The following COL22A1 variants were observed in gnomAD, a reference collection of about 807,000 sequenced individuals.
COL22A1 encodes the protein collagen type XXII alpha 1 chain, also known as collagen alpha-1(XXII) chain.
In COL22A1, 221 loss-of-function variants were observed where a neutral mutation model predicts 248.9. That is an observed-to-expected ratio of 0.89 (90% CI 0.80 to 0.99). The LOEUF is 0.99. COL22A1 is among the 50% of genes least tolerant of loss of function. The pLI is 0.00. For synonymous variants in COL22A1, 891 were observed against 793.4 expected (o/e 1.12, Z -2.07); for missense variants, 2,240 against 2,179.0 (o/e 1.03, Z -0.56).
At chr8:138,694,160 C>T (rs887383882) in intron 34 of COL22A1, among the ~76,000 whole-genome samples, 33 of 152,222 alleles carry the variant, frequency 2.2e-4, no homozygotes, top group African/African-American at 7.5e-4. Flanking sequence ...TCCTGTTCTG[C>T]AAATCCTCTG....
At position 138,732,330 on chromosome 8, in the gene COL22A1, C is replaced by T. The variant is rs7822219; in HGVS notation, c.2139+5194G>A. On this transcript the variant is annotated intron_variant, in intron 23 of 64. Transcript: ENST00000303045. ...AGGTGCTGCGGGCAAGTCACTCTTC[C>T]CCTGTGGGCCAGGGAACAGATAGGT... Among the ~76,000 whole-genome samples, 767 of 152,332 alleles carry T rather than the reference C, an allele frequency of 5.0e-3. 2 individuals are homozygous for T. The highest frequency in any genetic ancestry group is 0.027 in the Middle Eastern group (8 of 294).
intron 41 of COL22A1, among the ~76,000 whole-genome samples, chr8:138,675,036 A>T (rs1825401796): frequency 1.3e-5 from 2 of 152,362 alleles, no homozygotes; most frequent in South Asian, 2.1e-4. Flanking sequence ...ACCAAACTAG[A>T]CATTCCCAAG....
chr8:138,636,623 T>G, intron 48 of COL22A1, 119 bp downstream of exon 48: 1 of 771,670 alleles, frequency 1.3e-6, no homozygotes, highest in Non-Finnish European at 2.2e-6. Flanking sequence ...AATGAGATTT[T>G]AAAAAATCCT....
chr8:138,768,798 G>A (rs186969394), intron 16 of COL22A1, among the ~76,000 whole-genome samples: 105 of 152,152 alleles, frequency 6.9e-4, no homozygotes, highest in African/African-American at 2.4e-3. Flanking sequence ...TTAGCTGGGC[G>A]TGCTGGTGGG....
At position 138,596,785 on chromosome 8, in the gene COL22A1, A is replaced by G. The variant is rs552706691; in HGVS notation, c.4432+119T>C. The G allele has an allele frequency of 5.8e-4, 504 of 876,196 alleles. 1 individual carries two copies. Among genetic ancestry groups the G allele is most frequent in the Non-Finnish European group, 4.6e-4 (248 of 533,522 alleles). 54.3% of individuals were successfully genotyped at this position (876,196 alleles called of 1,614,324 possible). A position where few individuals can be genotyped will look rare whatever the true frequency, so the allele number is the denominator to read the frequency against. ...GCATTCCCCAACCCTGATAGTCTAC[A>G]CTTGAGCTGCCGGTCAAGTGCTTTT... On this transcript the variant is annotated intron_variant, in intron 62 of 64. Transcript: ENST00000303045.
chr8:138,829,810 C>T lies in COL22A1; in HGVS notation c.846-3029G>A, dbSNP rs558037947. Among the ~76,000 whole-genome samples the T allele has an allele frequency of 2.6e-4, 40 of 152,182 alleles. No homozygotes were observed. In the South Asian group the frequency reaches 4.2e-3, roughly 16 times the overall value. On this transcript the variant is annotated intron_variant, in intron 5 of 64. Coordinates refer to ENST00000303045, the MANE Select transcript of COL22A1 (RefSeq NM_152888.3). Reference sequence around the variant, plus strand: ...TCCCTGAACACACTTTCTTCTTATACCTTTGAAATACACACAGACAAGTGT... The same window carrying T: ...TCCCTGAACACACTTTCTTCTTATATCTTTGAAATACACACAGACAAGTGT...
intron 12 of COL22A1, among the ~76,000 whole-genome samples, chr8:138,793,979 T>C (rs1816280006): frequency 6.6e-6 from 1 of 152,226 alleles, no homozygotes; most frequent in South Asian, 2.1e-4. Flanking sequence ...CCGAGTGTTC[T>C]GACCTCCGGA....
At chr8:138,683,624 A>G (rs1826120677) in intron 39 of COL22A1, among the ~76,000 whole-genome samples, 2 of 151,948 alleles carry the variant, frequency 1.3e-5, no homozygotes, top group Non-Finnish European at 2.9e-5. Context: ...CTTTTCCTTT[A>G]CTTATTATTG....
chr8:138,722,912 G>C (rs913138854), intron 25 of COL22A1, among the ~76,000 whole-genome samples: 14 of 148,538 alleles, frequency 9.4e-5, no homozygotes, highest in Non-Finnish European at 1.9e-4. Flanking sequence ...AGGTGTGCAG[G>C]GGGAGGGAGA....
chr8:138,878,439 G>T, intron 2 of COL22A1, 123 bp from the exon 3 acceptor site: 1 of 838,778 alleles, frequency 1.2e-6, no homozygotes, highest in Non-Finnish European at 1.8e-6. Context: ...TGTCTCTCAT[G>T]ACCCAAGGGC....
chr8:138,699,522 G>C (rs1827781075), intron 32 of COL22A1, among the ~76,000 whole-genome samples: 1 of 152,204 alleles, frequency 6.6e-6, no homozygotes. Flanking sequence ...CCTATTTTCT[G>C]AAGAGCCATT....
intron 21 of COL22A1, among the ~76,000 whole-genome samples, chr8:138,752,298 G>C (rs545676113): frequency 9.9e-5 from 15 of 152,138 alleles, no homozygotes; most frequent in Non-Finnish European, 2.2e-4. Context: ...GGTGAATTTG[G>C]CCAGAAATGC....
At chr8:138,835,487 C>G (rs1391058390) in intron 4 of COL22A1, among the ~76,000 whole-genome samples, 2 of 152,204 alleles carry the variant, frequency 1.3e-5, no homozygotes, top group Non-Finnish European at 2.9e-5. Context: ...GTTGATCCAG[C>G]TGAGAGGCTG....
intron 9 of COL22A1, 83 bp downstream of exon 9, chr8:138,811,716 C>T: frequency 6.4e-7 from 1 of 1,559,880 alleles, no homozygotes. Context: ...CCCCCCTGAC[C>T]TGAAAGGCCA....
chr8:138,865,628 T>C (rs1036822949), intron 3 of COL22A1, among the ~76,000 whole-genome samples: 36 of 151,708 alleles, frequency 2.4e-4, no homozygotes, highest in Non-Finnish European at 3.5e-4. Context: ...TGTGAGTGTA[T>C]GTGTATGTTT....
chr8:138,859,808 T>C (rs1822317549), intron 3 of COL22A1, among the ~76,000 whole-genome samples: 1 of 152,210 alleles, frequency 6.6e-6, no homozygotes. Context: ...TTTGCATCCC[T>C]GCATGGCTGT....
At chr8:138,816,145 G>A (rs1484631169) in intron 7 of COL22A1, among the ~76,000 whole-genome samples, 1 of 152,172 alleles carries the variant, frequency 6.6e-6, no homozygotes, top group Non-Finnish European at 1.5e-5. Flanking sequence ...GGACTGCCTG[G>A]CAAGGCCGCA....
At chr8:138,866,590 G>A (rs186695169) in intron 3 of COL22A1, among the ~76,000 whole-genome samples, 1 of 152,298 alleles carries the variant, frequency 6.6e-6, no homozygotes, top group Admixed American at 6.5e-5. Flanking sequence ...CTTGTGCATG[G>A]CATGACCCTA....
At chr8:138,877,583 G>C (rs993805887) in intron 3 of COL22A1, among the ~76,000 whole-genome samples, 167 bp downstream of exon 3, 7 of 152,244 alleles carry the variant, frequency 4.6e-5, no homozygotes, top group Non-Finnish European at 8.8e-5. Context: ...TAGGTTCCCT[G>C]TGTGGCCAAA....
Sources: allele counts gnomAD v4.1 joint callset (sites outside exome capture counted in the v4.1 genomes callset), GRCh38; gene constraint gnomAD v4.1.1; transcripts MANE v1.5; gene names NCBI Gene and HGNC (gene_info 2026-07-23, HGNC 2026-07-21).